CRYBA4: variants seen among roughly 807,000 people sequenced by gnomAD.
CRYBA4 encodes the protein beta-crystallin A4.
Under a neutral mutation model 31.7 loss-of-function variants are expected in CRYBA4, and 30 were observed. The ratio of observed to expected loss-of-function variants is 0.95; its 90% CI spans 0.71 to 1.28. The LOEUF (loss-of-function observed/expected upper bound fraction) is 1.28. Among genes scored for constraint, CRYBA4 ranks in the 50% most tolerant of loss-of-function variants. The pLI, the probability that CRYBA4 is intolerant of heterozygous loss-of-function variation, is 0.00. For missense variants in CRYBA4, 225 were observed against 260.7 expected (o/e 0.86, Z 0.94); for synonymous variants, 102 against 102.3 (o/e 1.00, Z 0.02).
chr22:26,601,645 T>C, the CRYBA4 span, among the ~76,000 whole-genome samples: 8 of 151,528 alleles, frequency 5.3e-5, no homozygotes, highest in Non-Finnish European at 5.9e-5. Flanking sequence ...TTTCTCCATC[T>C]AACAGCTTTT....
At chr22:26,599,457 G>C in the CRYBA4 span, 3 of 1,583,906 alleles carry the variant, frequency 1.9e-6, no homozygotes, top group South Asian at 2.2e-5. Context: ...CATGAAGAAG[G>C]GTTGGGGCAA....
the CRYBA4 span, among the ~76,000 whole-genome samples, chr22:26,596,046 A>G: frequency 2.6e-5 from 4 of 152,202 alleles, no homozygotes; most frequent in African/African-American, 9.7e-5. Context: ...TACTGGGATT[A>G]TAGGTATAAG....
chr22:26,622,491 T>C, intron 1 of CRYBA4, 94 bp from the exon 2 acceptor site: 1 of 1,060,948 alleles, frequency 9.4e-7, no homozygotes, highest in Non-Finnish European at 1.5e-6. Context: ...CTGGACTCCC[T>C]ATGTGGATCC....
chr22:26,618,729 C>G (rs2145975520), upstream of CRYBA4, among the ~76,000 whole-genome samples: 1 of 152,358 alleles, frequency 6.6e-6, no homozygotes, highest in East Asian at 1.9e-4. Context: ...GCTGTCCAGC[C>G]TTGACCTTGG....
intron 4 of CRYBA4, among the ~76,000 whole-genome samples, chr22:26,626,806 A>G (rs1430021955): frequency 6.6e-6 from 1 of 152,194 alleles, no homozygotes; most frequent in Non-Finnish European, 1.5e-5. Context: ...CTCTATGTAT[A>G]TACACATCCA....
At chr22:26,600,732 G>A in the CRYBA4 span, among the ~76,000 whole-genome samples, 25 of 152,296 alleles carry the variant, frequency 1.6e-4, no homozygotes, top group African/African-American at 6.0e-4. Context: ...TTGCTGAGAG[G>A]GTCTTTCCAG....
At chr22:26,590,464 G>T in the CRYBA4 span, among the ~76,000 whole-genome samples, 3 of 152,350 alleles carry the variant, frequency 2.0e-5, no homozygotes, top group South Asian at 2.1e-4. Context: ...CCGCAGCGGG[G>T]TGTATTCGTG....
Position 26,623,322 on chromosome 22 carries a change from C to G in CRYBA4, c.128C>G (p.Thr43Ser), listed in dbSNP as rs768431861. Residue 43 changes from threonine (T) to serine (S), a missense_variant, in exon 3 of 6, where the codon ACT (threonine) becomes AGT (serine). By Grantham distance (58) the Thr-to-Ser change is moderately conservative. Transcript: ENST00000354760. ...AGCGTGCTGGAGCTTGGCTTCGAGA[C>G]TGTGCGATCTTTGAAAGTGCTGAGT... ...CPSVLELGFE[T>S]VRSLKVLSGA... is the part of the protein sequence containing the mutation. 3.1e-6 allele frequency: 5 copies of G among 1,614,076 alleles called. No individual in the cohort carries two copies. In the South Asian group the frequency reaches 4.4e-5, roughly 14 times the overall value.
At chr22:26,607,788 C>T in the CRYBA4 span, 1 of 1,554,502 alleles carries the variant, frequency 6.4e-7, no homozygotes, top group Admixed American at 1.7e-5. Context: ...CCACGCCTCC[C>T]TACCCACCAT....
chr22:26,627,526 C>CTT (rs1929784320), intron 4 of CRYBA4, among the ~76,000 whole-genome samples: 1 of 80,632 alleles, frequency 1.2e-5, no homozygotes, highest in Non-Finnish European at 2.7e-5. Context: ...CTTTCTTTCT[C>CTT]TTTCTTTCCT....
At chr22:26,595,964 G>A in the CRYBA4 span, among the ~76,000 whole-genome samples, 1 of 151,476 alleles carries the variant, frequency 6.6e-6, no homozygotes, top group Non-Finnish European at 1.5e-5. Flanking sequence ...TAGAGGTAAG[G>A]TCTCACCATC....
the CRYBA4 span, among the ~76,000 whole-genome samples, chr22:26,596,903 G>A: frequency 6.6e-6 from 1 of 152,206 alleles, no homozygotes; most frequent in Admixed American, 6.5e-5. Flanking sequence ...AGAAAAACAA[G>A]TCCCAGGGAA....
chr22:26,602,375 A>C, the CRYBA4 span, among the ~76,000 whole-genome samples: 6 of 152,120 alleles, frequency 3.9e-5, no homozygotes, highest in Non-Finnish European at 8.8e-5. Context: ...CTTGAGGCCA[A>C]GGGTTCAAGA....
chr22:26,607,785 T>TCCCTA, the CRYBA4 span: 8 of 1,540,258 alleles, frequency 5.2e-6, no homozygotes, highest in Non-Finnish European at 7.1e-6. Flanking sequence ...CTGCCACGCC[T>TCCCTA]CCCTACCCAC....
At chr22:26,612,373 T>C in the CRYBA4 span, among the ~76,000 whole-genome samples, 8 of 152,286 alleles carry the variant, frequency 5.3e-5, no homozygotes, top group East Asian at 1.3e-3. Context: ...TTTTGTTTGT[T>C]TGTTTGTTTT....
At chr22:26,603,736 T>G in the CRYBA4 span, among the ~76,000 whole-genome samples, 1 of 144,192 alleles carries the variant, frequency 6.9e-6, no homozygotes, top group East Asian at 2.1e-4. Context: ...AAACCCCATC[T>G]CTACTAAAAA....
chr22:26,630,416 A>C lies in CRYBA4; in HGVS notation c.520A>C (p.Lys174Gln). The change falls in exon 6 of 6, where the codon AAA becomes CAA. Residue 174 changes from lysine (K) to glutamine (Q), a missense_variant. Physicochemically the swap from Lys to Gln is moderately conservative, Grantham distance 53. Coordinates refer to ENST00000354760, the MANE Select transcript of CRYBA4 (RefSeq NM_001886.3). ...LECDHHSGDY[K>Q]HFREWGSHAP... ...ATGCGATCACCATTCCGGTGACTAC[A>C]AACATTTCCGGGAGTGGGGCTCTCA... is the stretch of plus-strand genomic sequence containing the variant. The C allele has an allele frequency of 2.5e-6, 4 of 1,614,226 alleles. No homozygotes were observed. Among genetic ancestry groups the C allele is most frequent in the Non-Finnish European group, 3.4e-6 (4 of 1,180,034 alleles).
At chr22:26,599,657 A>G in the CRYBA4 span, 15 of 1,614,090 alleles carry the variant, frequency 9.3e-6, 1 homozygote, top group South Asian at 1.6e-4. Context: ...TAGCCAGGAT[A>G]CTGATAGCCA....
At chr22:26,610,439 C>T in the CRYBA4 span, among the ~76,000 whole-genome samples, 4 of 152,100 alleles carry the variant, frequency 2.6e-5, no homozygotes, top group Admixed American at 6.5e-5. Context: ...CCAAGGCACA[C>T]GTCAGACACC....
Sources: gnomAD v4.1 joint callset for allele counts (sites outside exome capture counted in the v4.1 genomes callset) on GRCh38, gnomAD v4.1.1 for gene constraint, MANE v1.5 for transcripts, NCBI Gene and HGNC (gene_info 2026-07-23, HGNC 2026-07-21) for gene names.